The following PAK2 variants were observed in gnomAD, a reference collection of about 807,000 sequenced individuals.
PAK2 encodes p21 (RAC1) activated kinase 2.
In PAK2, 21 loss-of-function variants were observed where a neutral mutation model predicts 65.9. The ratio of observed to expected loss-of-function variants is 0.32; its 90% CI spans 0.23 to 0.46. The LOEUF is 0.46. Ranked by LOEUF, PAK2 falls within the 20% of genes least tolerant of loss-of-function variation. PAK2 has a pLI of 1.00. For missense variants in PAK2, 324 were observed against 642.6 expected (o/e 0.50, Z 5.36); for synonymous variants, 204 against 219.7 (o/e 0.93, Z 0.63).
In PAK2 at chr3:196,829,398, C is replaced by T. The variant is rs1394159455; in HGVS notation, c.*993C>T. 2 of 152,548 alleles carry T rather than the reference C, an allele frequency of 1.3e-5. No homozygotes were observed. The highest frequency in any genetic ancestry group is 1.9e-4 in the East Asian group (1 of 5,200). 9.4% of individuals were successfully genotyped at this position (152,548 alleles called of 1,614,324 possible). ...CTTTTTCATTAATCCTCTCTCACCT[C>T]ACAGATACCCCCTCCCATGGCAAAT... On this transcript the variant is annotated 3_prime_UTR_variant, in exon 15 of 15. Coordinates refer to ENST00000327134, the MANE Select transcript of PAK2 (RefSeq NM_002577.4).
At chr3:196,814,621 T>G (rs1715933693) in intron 11 of PAK2, 53 bp downstream of exon 11, 2 of 785,468 alleles carry the variant, frequency 2.5e-6, no homozygotes, top group Non-Finnish European at 4.5e-6. Flanking sequence ...TAGCAAGAAG[T>G]GAACAAAAGG....
chr3:196,754,834 G>A (rs1049490579), intron 1 of PAK2, among the ~76,000 whole-genome samples: 20 of 152,198 alleles, frequency 1.3e-4, no homozygotes, highest in African/African-American at 4.8e-4. Context: ...AGAAGATAAG[G>A]AACTGTGGCT....
chr3:196,812,313 A>G (rs777612846), intron 9 of PAK2, 46 bp downstream of exon 9: 92 of 1,129,872 alleles, frequency 8.1e-5, no homozygotes, highest in Middle Eastern at 1.9e-4. Context: ...ATTTTGTCAT[A>G]TAGGTGGAAA....
At chr3:196,827,682 A>G (rs1220006356) in intron 14 of PAK2, among the ~76,000 whole-genome samples, 1 of 152,170 alleles carries the variant, frequency 6.6e-6, no homozygotes, top group Non-Finnish European at 1.5e-5. Flanking sequence ...CAGCACAGCA[A>G]CATGGCACAT....
intron 5 of PAK2, among the ~76,000 whole-genome samples, chr3:196,805,997 C>T (rs1192360618): frequency 6.6e-6 from 1 of 151,698 alleles, no homozygotes; most frequent in Non-Finnish European, 1.5e-5. Flanking sequence ...CTGCACGCAC[C>T]GTCTTCTGGG....
chr3:196,825,382 A>G lies in PAK2; in HGVS notation c.1351-1814A>G, dbSNP rs536640257. ...AAATAGGCCAGATGCAGTGGCTCAC[A>G]CCTGTAATCCCAGCACTTTGGGAGG... is the stretch of plus-strand genomic sequence containing the variant. On this transcript the variant is annotated intron_variant, in intron 13 of 14. Transcript: ENST00000327134. Among the ~76,000 whole-genome samples the G allele has an allele frequency of 2.5e-4, 34 of 136,706 alleles. 1 individual carries two copies. Among genetic ancestry groups the G allele is most frequent in the Non-Finnish European group, 3.2e-4 (20 of 62,632 alleles). 89.7% of individuals were successfully genotyped at this position (136,706 alleles called of 152,430 possible).
rs1270818151 is a variant in PAK2, at chr3:196,800,069, T to C, written c.188-1858T>C. The stretch of plus-strand genomic sequence containing the variant: ...TGTTTTCATGGATCAGAAAACTCGG[T>C]GTTGTTAAGAAATCAAGAAATAAAT... On this transcript the variant is annotated intron_variant, in intron 2 of 14. Coordinates refer to ENST00000327134, the MANE Select transcript of PAK2 (RefSeq NM_002577.4). 2.6e-5 allele frequency among the ~76,000 whole-genome samples: 4 copies of C among 152,202 alleles called. No homozygotes were observed. In the East Asian group the frequency reaches 7.7e-4, roughly 29 times the overall value.
chr3:196,811,353 C>T (rs1488055120), intron 8 of PAK2, among the ~76,000 whole-genome samples: 5 of 107,160 alleles, frequency 4.7e-5, no homozygotes, highest in South Asian at 3.5e-4. Context: ...TCCCTTCCTT[C>T]CCTCCCTTCC....
At position 196,812,954 on chromosome 3, in the gene PAK2, G is replaced by A. The variant is rs1436892760; in HGVS notation, c.935+103G>A. On this transcript the variant is annotated intron_variant, in intron 10 of 14. Transcript: ENST00000327134. ...CACTTTGGAATAAACTGTCAGTGCC[G>A]AGAAATAAGATGGAAGAAAGAAGAG... 11 of 609,744 alleles carry A rather than the reference G, an allele frequency of 1.8e-5. 1 individual carries two copies. The highest frequency in any genetic ancestry group is 5.9e-5 in the South Asian group (3 of 50,714). The allele number at this position is 609,744 out of a possible 1,614,324, so 37.8% of individuals were successfully genotyped here.
chr3:196,750,741 A>T (rs1713547253), intron 1 of PAK2, among the ~76,000 whole-genome samples: 1 of 133,476 alleles, frequency 7.5e-6, no homozygotes. Context: ...AATGCTTAAA[A>T]CCTAAAATAA....
chr3:196,788,108 A>G (rs1714956146), intron 2 of PAK2, among the ~76,000 whole-genome samples: 1 of 152,188 alleles, frequency 6.6e-6, no homozygotes, highest in South Asian at 2.1e-4. Context: ...GTCTTATGCT[A>G]ATTGCTTTTC....
intron 1 of PAK2, among the ~76,000 whole-genome samples, chr3:196,767,483 T>TTTTGTTTG (rs57659732): frequency 2.6e-5 from 4 of 151,924 alleles, no homozygotes; most frequent in Admixed American, 6.6e-5. Context: ...AATACATGTT[T>TTTTGTTTG]TTTGTTTGTT....
At chr3:196,812,321 A>C in intron 9 of PAK2, 54 bp downstream of exon 9, 1 of 1,019,912 alleles carries the variant, frequency 9.8e-7, no homozygotes, top group Non-Finnish European at 1.6e-6. Context: ...ATATAGGTGG[A>C]AACTAGATGA....
At position 196,827,216 on chromosome 3, in the gene PAK2, T is replaced by C; in HGVS notation, c.1371T>C (p.Thr457=). 2 of 1,607,672 alleles carry C rather than the reference T, an allele frequency of 1.2e-6. No homozygotes were observed. Among genetic ancestry groups the C allele is most frequent in the African/African-American group, 1.3e-5 (1 of 74,782 alleles). ...NPLRALYLIA[T]NGTPELQNPE... is the part of the protein sequence containing the mutation. ...TTTAGGCCTTGTACCTAATAGCAAC[T>C]AATGGAACCCCAGAACTTCAGAATC... Residue 457 remains threonine, a synonymous_variant, in exon 14 of 15, where the codon ACT becomes ACC. Transcript: ENST00000327134.
intron 7 of PAK2, 143 bp from the exon 8 acceptor site, chr3:196,810,447 T>C (rs1321237206): frequency 1.6e-5 from 10 of 642,216 alleles, no homozygotes; most frequent in Non-Finnish European, 2.2e-5. Flanking sequence ...GTTTTGTGTT[T>C]GAAACCTGTT....
Position 196,801,918 on chromosome 3 carries a change from GC to G in PAK2, c.188-4del. The G allele has an allele frequency of 1.4e-6, 2 of 1,395,756 alleles. No individual in the cohort carries two copies. Among genetic ancestry groups the G allele is most frequent in the Non-Finnish European group, 2.0e-6 (2 of 985,564 alleles). The allele number at this position is 1,395,756 out of a possible 1,614,324, so 86.5% of individuals were successfully genotyped here. A position where few individuals can be genotyped will look rare whatever the true frequency, so the allele number is the denominator to read the frequency against. The stretch of plus-strand genomic sequence containing the variant: ...CTGATTCTTTCTCTTTTTTTCTAAT[GC>G]CCCCTAGGAAGTAAAAAGAAAGAAA... On this transcript the variant is annotated splice_polypyrimidine_tract_variant and splice_region_variant and intron_variant, in intron 2 of 14. Transcript: ENST00000327134.
At chr3:196,817,992 C>T (rs1046618851) in intron 11 of PAK2, 65 bp from the exon 12 acceptor site, 3 of 709,840 alleles carry the variant, frequency 4.2e-6, no homozygotes, top group Non-Finnish European at 7.8e-6. Context: ...GCCATAGCTA[C>T]TGCATGTGCC....
In PAK2 at chr3:196,820,941, G is replaced by A. The variant is rs1381835186; in HGVS notation, c.1350+374G>A. Among the ~76,000 whole-genome samples the A allele has an allele frequency of 1.3e-5, 2 of 152,076 alleles. No individual in the cohort carries two copies. The highest frequency in any genetic ancestry group is 1.9e-4 in the East Asian group (1 of 5,180). ...TGCAACCGCCACCTCCCAGGTTCAA[G>A]CGATCCTCCTACTTCAGCCTCCTGA... On this transcript the variant is annotated intron_variant, in intron 13 of 14. Transcript: ENST00000327134. This position sits in a 1 kb window ranked among gnomAD's most constrained non-coding sequence, Gnocchi z 4.6.
At chr3:196,814,905 C>T (rs562319879) in intron 11 of PAK2, among the ~76,000 whole-genome samples, 29 of 152,202 alleles carry the variant, frequency 1.9e-4, no homozygotes, top group Admixed American at 1.0e-3. Context: ...TCAGGCTGGG[C>T]GCGGTGGCTC....
Sources: gnomAD v4.1 joint callset for allele counts (sites outside exome capture counted in the v4.1 genomes callset) on GRCh38, gnomAD v4.1.1 for gene constraint, Gnocchi (gnomAD v3.1) non-coding constraint, MANE v1.5 for transcripts, NCBI Gene and HGNC (gene_info 2026-07-23, HGNC 2026-07-21) for gene names.